The following TMEM132B variants were observed in gnomAD, a reference collection of about 807,000 sequenced individuals.
The protein encoded by TMEM132B is transmembrane protein 132B.
TMEM132B carries 18 observed loss-of-function variants against 90.8 expected under a neutral mutation model. That is an observed-to-expected ratio of 0.20 (90% CI 0.14 to 0.29). The LOEUF (loss-of-function observed/expected upper bound fraction) is 0.29, where lower values mean the gene tolerates loss of function less well. TMEM132B is among the 10% of genes least tolerant of loss of function. TMEM132B has a pLI of 1.00. For synonymous variants in TMEM132B, 504 were observed against 523.3 expected (o/e 0.96, Z 0.50); for missense variants, 1,096 against 1,326.8 (o/e 0.83, Z 2.70).
intron 1 of TMEM132B, among the ~76,000 whole-genome samples, chr12:125,201,144 T>C (rs936042868): frequency 6.6e-6 from 1 of 152,166 alleles, no homozygotes; most frequent in African/African-American, 2.4e-5. Context: ...CTTAAATGTA[T>C]GGGCTGAGCT....
intron 3 of TMEM132B, among the ~76,000 whole-genome samples, chr12:125,466,077 G>A (rs1881556490): frequency 1.3e-5 from 2 of 152,102 alleles, no homozygotes; most frequent in Admixed American, 6.5e-5. Flanking sequence ...GGCCTAAGAC[G>A]CCAGGGTTCA....
Position 125,535,133 on chromosome 12 carries a change from G to A in TMEM132B, c.1293+15508G>A, listed in dbSNP as rs115075657. 3.1e-3 allele frequency among the ~76,000 whole-genome samples: 478 copies of A among 152,196 alleles called. 5 individuals are homozygous for A. Among genetic ancestry groups the A allele is most frequent in the African/African-American group, 0.011 (470 of 41,508 alleles). ...AGTTTTATCACATTTATATTTGCTC[G>A]TAGAATCCAATGCTTCTACTTAATA... is the stretch of plus-strand genomic sequence containing the variant. On this transcript the variant is annotated intron_variant, in intron 4 of 8. Coordinates refer to ENST00000682704, the MANE Select transcript of TMEM132B (RefSeq NM_001366854.1).
chr12:125,644,956 G>T (rs777297884), intron 6 of TMEM132B, among the ~76,000 whole-genome samples: 1 of 152,008 alleles, frequency 6.6e-6, no homozygotes, highest in Non-Finnish European at 1.5e-5. Context: ...GACGACTCTC[G>T]CCTGTAATCC....
chr12:125,523,676 G>C (rs1377474393), intron 4 of TMEM132B, among the ~76,000 whole-genome samples: 1 of 152,174 alleles, frequency 6.6e-6, no homozygotes, highest in East Asian at 1.9e-4. Context: ...GGGTGCTCAG[G>C]GCTCTCCATC....
intron 2 of TMEM132B, among the ~76,000 whole-genome samples, chr12:125,405,278 T>C (rs1879435371): frequency 2.0e-5 from 3 of 152,188 alleles, no homozygotes; most frequent in African/African-American, 7.2e-5. Flanking sequence ...TCCAGCTCTC[T>C]CTCTCTCTGA....
intron 4 of TMEM132B, among the ~76,000 whole-genome samples, chr12:125,529,705 G>A (rs372257953): frequency 2.6e-5 from 4 of 152,302 alleles, no homozygotes; most frequent in East Asian, 1.9e-4. Flanking sequence ...AAGTAGGAGG[G>A]CATTTTAGAA....
At chr12:125,189,434 C>T (rs1957782362) in intron 1 of TMEM132B, among the ~76,000 whole-genome samples, 1 of 152,090 alleles carries the variant, frequency 6.6e-6, no homozygotes, top group Non-Finnish European at 1.5e-5. Context: ...CATTGAGTGG[C>T]AGGGGGGAGC....
At chr12:125,207,255 C>T (rs1459126267) in intron 1 of TMEM132B, among the ~76,000 whole-genome samples, 1 of 152,232 alleles carries the variant, frequency 6.6e-6, no homozygotes, top group African/African-American at 2.4e-5. Context: ...CTATGGACTG[C>T]AGGGAGTGGA....
intron 3 of TMEM132B, among the ~76,000 whole-genome samples, chr12:125,465,763 C>G (rs758788370): frequency 1.6e-4 from 24 of 152,242 alleles, no homozygotes; most frequent in Non-Finnish European, 3.2e-4. Context: ...GGCAACCCAT[C>G]AATCGAGACA....
chr12:125,475,298 G>A (rs745780678), intron 3 of TMEM132B, among the ~76,000 whole-genome samples: 85 of 152,224 alleles, frequency 5.6e-4, no homozygotes, highest in Non-Finnish European at 1.0e-3. Context: ...GCAAAACTTA[G>A]CAATATGCAT....
intron 1 of TMEM132B, among the ~76,000 whole-genome samples, chr12:125,256,469 C>T (rs2136106686): frequency 6.6e-6 from 1 of 152,234 alleles, no homozygotes; most frequent in Non-Finnish European, 1.5e-5. Context: ...AAATCCGGTC[C>T]CCAGCCTGTT....
chr12:125,351,593 T>C (rs1877586228), intron 2 of TMEM132B, among the ~76,000 whole-genome samples: 2 of 152,116 alleles, frequency 1.3e-5, no homozygotes, highest in Non-Finnish European at 1.5e-5. Context: ...AACTAGGTAA[T>C]TGAAAAGTCA....
At chr12:125,530,397 G>A (rs553789683) in intron 4 of TMEM132B, among the ~76,000 whole-genome samples, 1 of 152,092 alleles carries the variant, frequency 6.6e-6, no homozygotes, top group Admixed American at 6.5e-5. Context: ...GGTGGGAAGT[G>A]GGTTTTACAT....
intron 1 of TMEM132B, among the ~76,000 whole-genome samples, chr12:125,331,921 T>G (rs1876788452): frequency 1.3e-5 from 2 of 152,240 alleles, no homozygotes; most frequent in South Asian, 2.1e-4. Flanking sequence ...GCCTGGTTAT[T>G]TTTTATTTAC....
rs1167006018 is a variant in TMEM132B, at chr12:125,508,941, G to A, written c.1107-10498G>A. Among the ~76,000 whole-genome samples, 6 of 151,688 alleles carry A rather than the reference G, an allele frequency of 4.0e-5. 1 individual carries two copies. The highest frequency in any genetic ancestry group is 1.5e-4 in the African/African-American group (6 of 41,254). ...TGGGATTACAGGTGTGCACCACCAC[G>A]CCTGGCTAATTTTTGTAGTTTTGGT... On this transcript the variant is annotated intron_variant, in intron 3 of 8. Coordinates refer to ENST00000682704, the MANE Select transcript of TMEM132B (RefSeq NM_001366854.1).
intron 1 of TMEM132B, among the ~76,000 whole-genome samples, chr12:125,250,255 C>T (rs1035626744): frequency 6.6e-6 from 1 of 152,242 alleles, no homozygotes; most frequent in Non-Finnish European, 1.5e-5. Flanking sequence ...TGGTGAGCTC[C>T]TCGTGGTATT....
Position 125,251,643 on chromosome 12 carries a change from A to G in TMEM132B, c.67+64777A>G, listed in dbSNP as rs190087239. 1.3e-5 allele frequency among the ~76,000 whole-genome samples: 2 copies of G among 152,252 alleles called. No individual in the cohort carries two copies. Among genetic ancestry groups the G allele is most frequent in the East Asian group, 3.9e-4 (2 of 5,180 alleles). On this transcript the variant is annotated intron_variant, in intron 1 of 8. Transcript: ENST00000682704. The surrounding 1 kb of genome is among the most constrained non-coding windows in gnomAD (Gnocchi z 4.4). ...GATACCCAGGCTCGGGGCTGCTGAG[A>G]CAATAGGGAACGGTGTGGACTCTGG...
At chr12:125,515,191 C>T (rs1883082546) in intron 3 of TMEM132B, among the ~76,000 whole-genome samples, 1 of 145,252 alleles carries the variant, frequency 6.9e-6, no homozygotes, top group Non-Finnish European at 1.5e-5. Flanking sequence ...CACGCATTCT[C>T]TCTCATGCAC....
At chr12:125,588,612 G>C (rs1004928081) in intron 5 of TMEM132B, among the ~76,000 whole-genome samples, 2 of 152,106 alleles carry the variant, frequency 1.3e-5, no homozygotes, top group African/African-American at 2.4e-5. Context: ...ACAGGCATGA[G>C]CCACCACGCC....
Sources: gnomAD v4.1 joint callset for allele counts (sites outside exome capture counted in the v4.1 genomes callset) on GRCh38, gnomAD v4.1.1 for gene constraint, Gnocchi (gnomAD v3.1) non-coding constraint, MANE v1.5 for transcripts, NCBI Gene and HGNC (gene_info 2026-07-23, HGNC 2026-07-21) for gene names.